Variants in HACE1 observed in about 807,000 individuals in gnomAD.
HACE1 encodes the protein HECT domain and ankyrin repeat containing E3 ubiquitin protein ligase 1, also known as E3 ubiquitin-protein ligase HACE1.
HACE1 carries 73 observed loss-of-function variants against 118.4 expected under a neutral mutation model. That is an observed-to-expected ratio of 0.62 (90% CI 0.51 to 0.75). The LOEUF (loss-of-function observed/expected upper bound fraction) is 0.75. Among genes scored for constraint, HACE1 ranks in the 30% least tolerant of loss-of-function variants. The pLI, the probability that HACE1 is intolerant of heterozygous loss-of-function variation, is 0.00. For missense variants in HACE1, 749 were observed against 1,102.2 expected (o/e 0.68, Z 4.54); for synonymous variants, 368 against 374.8 (o/e 0.98, Z 0.21).
intron 2 of HACE1, among the ~76,000 whole-genome samples, chr6:104,851,799 A>C (rs1010220217): frequency 9.2e-5 from 14 of 152,226 alleles, no homozygotes; most frequent in Non-Finnish European, 1.5e-4. Flanking sequence ...ATATCAAAAA[A>C]TTCAATGGCT....
chr6:104,739,353 T>C (rs969195519), intron 22 of HACE1, among the ~76,000 whole-genome samples: 1 of 152,164 alleles, frequency 6.6e-6, no homozygotes, highest in African/African-American at 2.4e-5. Flanking sequence ...AATGCTCCAA[T>C]TAAAAGACAC....
chr6:104,859,110 G>GC (rs1391810648), intron 1 of HACE1, among the ~76,000 whole-genome samples: 1 of 152,188 alleles, frequency 6.6e-6, no homozygotes, highest in South Asian at 2.1e-4. Flanking sequence ...ACAAGGCAGT[G>GC]CCCCACATTT....
At chr6:104,851,055 A>C in intron 2 of HACE1, 59 bp from the exon 3 acceptor site, 1 of 950,098 alleles carries the variant, frequency 1.1e-6, no homozygotes, top group Non-Finnish European at 1.7e-6. Context: ...AACATAATAA[A>C]TCAAGTTAAC....
intron 22 of HACE1, chr6:104,731,447 A>G (rs1456731130): frequency 6.6e-6 from 1 of 152,152 alleles, no homozygotes; most frequent in East Asian, 1.9e-4. Context: ...TGGCAGACTC[A>G]CATATCCTGA....
In HACE1 at chr6:104,843,306, GA is replaced by G; in HGVS notation, c.327-9del. The G allele has an allele frequency of 2.2e-6, 3 of 1,338,608 alleles. No homozygotes were observed. The highest frequency in any genetic ancestry group is 3.2e-6 in the Non-Finnish European group (3 of 930,018). 82.9% of individuals were successfully genotyped at this position (1,338,608 alleles called of 1,614,324 possible). Reference sequence around the variant, plus strand: ...CTCATACATTTCTTCTGCCTGAAAAGAAAAAAGAGTCATGGATAACTGGTAC... The same window carrying G: ...CTCATACATTTCTTCTGCCTGAAAAGAAAAAGAGTCATGGATAACTGGTAC... On this transcript the variant is annotated splice_polypyrimidine_tract_variant and intron_variant, in intron 4 of 23. Coordinates refer to ENST00000262903, the MANE Select transcript of HACE1 (RefSeq NM_020771.4).
intron 19 of HACE1, among the ~76,000 whole-genome samples, chr6:104,768,895 T>A (rs115704825): frequency 0.016 from 2,401 of 152,228 alleles, 75 homozygotes; most frequent in African/African-American, 0.055. Context: ...TTCAATATTT[T>A]CCATCTTTCT....
chr6:104,758,574 G>A (rs59349972), intron 19 of HACE1, among the ~76,000 whole-genome samples: 226 of 152,186 alleles, frequency 1.5e-3, no homozygotes, highest in African/African-American at 5.3e-3. Context: ...AGTAACAACC[G>A]GTACCAGCCA....
intron 4 of HACE1, chr6:104,845,699 G>A (rs1017598569): frequency 2.6e-5 from 4 of 151,920 alleles, no homozygotes; most frequent in Admixed American, 6.6e-5. Flanking sequence ...GGATGGTCTC[G>A]ATCTCCTAAC....
At chr6:104,755,749 T>C (rs1778538293) in intron 19 of HACE1, among the ~76,000 whole-genome samples, 1 of 152,074 alleles carries the variant, frequency 6.6e-6, no homozygotes, top group Non-Finnish European at 1.5e-5. Flanking sequence ...AAAGAGACAA[T>C]GTACCAGAAT....
At chr6:104,811,242 T>TACATACATATATATATATATATATATA (rs1177876499) in intron 7 of HACE1, 69 bp downstream of exon 7, 1 of 189,562 alleles carries the variant, frequency 5.3e-6, no homozygotes, top group African/African-American at 3.7e-5. Flanking sequence ...ATTTCTTTAT[T>TACATACATATATATATATATATATATA]TATACATATA....
intron 1 of HACE1, chr6:104,859,289 C>T (rs954814467): frequency 2.3e-6 from 1 of 428,360 alleles, no homozygotes; most frequent in Non-Finnish European, 4.2e-6. Flanking sequence ...TTTGCCAAGA[C>T]CCCTAATCGA....
At chr6:104,810,682 C>T (rs1771504833) in intron 7 of HACE1, among the ~76,000 whole-genome samples, 1 of 151,966 alleles carries the variant, frequency 6.6e-6, no homozygotes, top group African/African-American at 2.4e-5. Context: ...ACACCTACAA[C>T]AATGCATGAC....
At chr6:104,805,850 T>C (rs1040631895) in intron 7 of HACE1, among the ~76,000 whole-genome samples, 7 of 151,430 alleles carry the variant, frequency 4.6e-5, no homozygotes, top group African/African-American at 9.8e-5. Flanking sequence ...AACTTAAAAG[T>C]ATAATAATAA....
chr6:104,807,135 T>C (rs1193282804), intron 7 of HACE1, among the ~76,000 whole-genome samples: 2 of 151,542 alleles, frequency 1.3e-5, no homozygotes, highest in African/African-American at 4.8e-5. Context: ...GTGATTCTCC[T>C]GCCTCAGCCT....
intron 20 of HACE1, 63 bp from the exon 21 acceptor site, chr6:104,744,673 G>A (rs1241137342): frequency 3.1e-6 from 3 of 958,296 alleles, no homozygotes; most frequent in Non-Finnish European, 5.0e-6. Flanking sequence ...TTATATTTAA[G>A]TGGTAAATTT....
chr6:104,737,693 G>C (rs147590645), intron 22 of HACE1, among the ~76,000 whole-genome samples: 12 of 152,146 alleles, frequency 7.9e-5, no homozygotes, highest in East Asian at 1.9e-4. Context: ...ACGGAGTCTC[G>C]CTGATTGCTA....
At chr6:104,757,131 G>C (rs1778802464) in intron 19 of HACE1, among the ~76,000 whole-genome samples, 1 of 152,174 alleles carries the variant, frequency 6.6e-6, no homozygotes, top group South Asian at 2.1e-4. Flanking sequence ...ACCTCTAGGG[G>C]CAGGACGTAC....
At chr6:104,733,061 C>T (rs1775384165) in intron 22 of HACE1, among the ~76,000 whole-genome samples, 1 of 151,972 alleles carries the variant, frequency 6.6e-6, no homozygotes, top group Non-Finnish European at 1.5e-5. Flanking sequence ...TTAACTTTTG[C>T]CTAAAAAATT....
At chr6:104,827,781 T>C (rs977767325) in intron 6 of HACE1, among the ~76,000 whole-genome samples, 6 of 152,218 alleles carry the variant, frequency 3.9e-5, no homozygotes, top group Middle Eastern at 3.4e-3. Flanking sequence ...TGACTGAACA[T>C]AGTTGAGCAC....
Sources: allele counts gnomAD v4.1 joint callset (sites outside exome capture counted in the v4.1 genomes callset), GRCh38; gene constraint gnomAD v4.1.1; transcripts MANE v1.5; gene names NCBI Gene and HGNC (gene_info 2026-07-23, HGNC 2026-07-21).